The following PAK5 variants were observed in gnomAD, a reference collection of about 807,000 sequenced individuals.
PAK5 encodes the protein serine/threonine-protein kinase PAK 5.
In PAK5, 16 loss-of-function variants were observed where a neutral mutation model predicts 65.9. The observed-to-expected ratio is 0.24, with a 90% CI of 0.16 to 0.37. The LOEUF (loss-of-function observed/expected upper bound fraction) is 0.37. Among genes scored for constraint, PAK5 ranks in the 10% least tolerant of loss-of-function variants. The probability of loss-of-function intolerance (pLI) is 1.00; values close to 1 mark genes in which losing one functional copy is unlikely to be tolerated. For missense variants in PAK5, 785 were observed against 903.9 expected (o/e 0.87, Z 1.69); for synonymous variants, 371 against 354.9 (o/e 1.05, Z -0.51).
intron 2 of PAK5, among the ~76,000 whole-genome samples, chr20:9,664,278 T>C (rs1600215604): frequency 6.6e-6 from 1 of 152,270 alleles, no homozygotes; most frequent in South Asian, 2.1e-4. Flanking sequence ...CAGCATTTCC[T>C]TTTCTCCCTA....
intron 1 of PAK5, among the ~76,000 whole-genome samples, chr20:9,787,276 CCT>C (rs2049002523): frequency 6.6e-6 from 1 of 152,080 alleles, no homozygotes; most frequent in South Asian, 2.1e-4. Context: ...TGTCCCTCTC[CCT>C]CTTTCTATTC....
chr20:9,540,286 T>C (rs73895903), intron 9 of PAK5, among the ~76,000 whole-genome samples: 13,806 of 152,132 alleles, frequency 0.091, 1,353 homozygotes, highest in African/African-American at 0.25. Flanking sequence ...GATTTTTACA[T>C]ACATTTACCC....
intron 7 of PAK5, among the ~76,000 whole-genome samples, chr20:9,547,926 A>G (rs1160742030): frequency 6.6e-6 from 1 of 152,154 alleles, no homozygotes; most frequent in Non-Finnish European, 1.5e-5. Context: ...CAGAAGAGGG[A>G]GGAGGTCACA....
intron 2 of PAK5, among the ~76,000 whole-genome samples, chr20:9,669,979 T>C (rs1182375887): frequency 6.6e-6 from 1 of 151,488 alleles, no homozygotes; most frequent in Non-Finnish European, 1.5e-5. Flanking sequence ...TGTATGTCCA[T>C]GTGTTTTCAT....
intron 3 of PAK5, among the ~76,000 whole-genome samples, chr20:9,589,904 A>C (rs533651489): frequency 6.6e-6 from 1 of 152,138 alleles, no homozygotes; most frequent in Non-Finnish European, 1.5e-5. Context: ...AACTTAGGTT[A>C]CTCATAAAGG....
At chr20:9,617,801 C>T (rs992548317) in intron 3 of PAK5, among the ~76,000 whole-genome samples, 1 of 151,914 alleles carries the variant, frequency 6.6e-6, no homozygotes, top group African/African-American at 2.4e-5. Context: ...GTGATCCACC[C>T]GCCTCGGCCT....
chr20:9,568,852 T>C (rs2045727359), intron 4 of PAK5, among the ~76,000 whole-genome samples: 2 of 152,004 alleles, frequency 1.3e-5, no homozygotes, highest in South Asian at 4.1e-4. Flanking sequence ...AAAATAATAA[T>C]AATAATAAAA....
chr20:9,624,315 A>T lies in PAK5; in HGVS notation c.204+19810T>A, dbSNP rs2046812236. On this transcript the variant is annotated intron_variant, in intron 3 of 9. Coordinates refer to ENST00000353224, the MANE Select transcript of PAK5 (RefSeq NM_177990.4). ...CAATATCTCAGTCACTGACATACTC[A>T]GTTTCACATCTCAGCAAGCACTGAC... is the stretch of plus-strand genomic sequence containing the variant. 2.0e-5 allele frequency among the ~76,000 whole-genome samples: 3 copies of T among 152,138 alleles called. No individual in the cohort carries two copies. In the South Asian group the frequency reaches 6.2e-4, roughly 31 times the overall value.
intron 7 of PAK5, among the ~76,000 whole-genome samples, chr20:9,555,938 G>A (rs568258438): frequency 1.2e-3 from 186 of 152,292 alleles, no homozygotes; most frequent in Non-Finnish European, 2.3e-3. Flanking sequence ...TGACTGCCAA[G>A]CAAATGAGTA....
intron 1 of PAK5, among the ~76,000 whole-genome samples, chr20:9,793,753 G>A (rs995440536): frequency 6.6e-6 from 1 of 152,122 alleles, no homozygotes; most frequent in Admixed American, 6.5e-5. Context: ...TCCAACCATT[G>A]TGGAAGACAG....
rs1166020811 is a variant in PAK5 at position 9,711,423 on chromosome 20, CCA to C, written c.-151_-150del. On this transcript the variant is annotated 5_prime_UTR_variant, in exon 2 of 10. Coordinates refer to ENST00000353224, the MANE Select transcript of PAK5 (RefSeq NM_177990.4). ...TTTAGCAAGAGGTGGAAGCATTTCA[CCA>C]CAGTGTATTTCTGTAACAATATAGT... 2.0e-5 allele frequency: 3 copies of C among 152,120 alleles called. No individual in the cohort carries two copies. The highest frequency in any genetic ancestry group is 7.2e-5 in the African/African-American group (3 of 41,428). 9.4% of individuals were successfully genotyped at this position (152,120 alleles called of 1,614,324 possible). A position where few individuals can be genotyped will look rare whatever the true frequency, so the allele number is the denominator to read the frequency against.
intron 1 of PAK5, among the ~76,000 whole-genome samples, chr20:9,798,947 A>G (rs1187376747): frequency 6.6e-6 from 1 of 152,158 alleles, no homozygotes; most frequent in Non-Finnish European, 1.5e-5. Flanking sequence ...CATTCAGGTG[A>G]TTCTGATGGA....
chr20:9,805,362 C>T (rs1382744840), intron 1 of PAK5, among the ~76,000 whole-genome samples: 1 of 152,116 alleles, frequency 6.6e-6, no homozygotes, highest in Non-Finnish European at 1.5e-5. Context: ...AGCAATTCCA[C>T]TTAAAGGTAT....
chr20:9,676,185 A>G (rs776977125), intron 2 of PAK5, among the ~76,000 whole-genome samples: 1 of 152,138 alleles, frequency 6.6e-6, no homozygotes, highest in South Asian at 2.1e-4. Context: ...GAGACTTACT[A>G]TCACAAGAAC....
intron 2 of PAK5, among the ~76,000 whole-genome samples, chr20:9,704,912 A>G (rs1458081654): frequency 6.6e-6 from 1 of 152,184 alleles, no homozygotes; most frequent in African/African-American, 2.4e-5. Context: ...AGAGAGAGAA[A>G]TGGAAATGGA....
At chr20:9,741,688 G>A (rs1483434512) in intron 1 of PAK5, among the ~76,000 whole-genome samples, 3 of 152,062 alleles carry the variant, frequency 2.0e-5, no homozygotes, top group African/African-American at 7.2e-5. Flanking sequence ...AAACCCTAAC[G>A]TGCTTCAGAA....
chr20:9,692,327 A>G (rs1331241876), intron 2 of PAK5, among the ~76,000 whole-genome samples: 1 of 151,470 alleles, frequency 6.6e-6, no homozygotes, highest in Non-Finnish European at 1.5e-5. Flanking sequence ...ACTTGTTGGC[A>G]TCACACCTTC....
At chr20:9,766,985 G>T (rs1468157769) in intron 1 of PAK5, among the ~76,000 whole-genome samples, 1 of 151,914 alleles carries the variant, frequency 6.6e-6, no homozygotes, top group Admixed American at 6.6e-5. Context: ...ATTAGGATAT[G>T]CTCCCACAAG....
At chr20:9,578,394 C>T (rs1210849363) in intron 4 of PAK5, among the ~76,000 whole-genome samples, 1 of 152,138 alleles carries the variant, frequency 6.6e-6, no homozygotes, top group Admixed American at 6.5e-5. Context: ...AAACTCTTGA[C>T]CTCTAAAACT....
Sources: allele counts gnomAD v4.1 joint callset (sites outside exome capture counted in the v4.1 genomes callset), GRCh38; gene constraint gnomAD v4.1.1; transcripts MANE v1.5; gene names NCBI Gene and HGNC (gene_info 2026-07-23, HGNC 2026-07-21).